The following FARP1 variants were observed in gnomAD, a reference collection of about 807,000 sequenced individuals.
FARP1 encodes the protein FERM, ARH/RhoGEF and pleckstrin domain protein 1, also known as FERM, ARHGEF and pleckstrin domain-containing protein 1.
FARP1 carries 52 observed loss-of-function variants against 128.8 expected under a neutral mutation model. That is an observed-to-expected ratio of 0.40 (90% CI 0.32 to 0.51). FARP1 has a LOEUF of 0.51. Ranked by LOEUF, FARP1 falls within the 20% of genes least tolerant of loss-of-function variation. FARP1 has a pLI of 0.45. For synonymous variants in FARP1, 580 were observed against 551.8 expected (o/e 1.05, Z -0.72); for missense variants, 1,333 against 1,367.9 (o/e 0.97, Z 0.40).
intron 2 of FARP1, among the ~76,000 whole-genome samples, chr13:98,261,699 G>T (rs1434281457): frequency 6.6e-6 from 1 of 152,132 alleles, no homozygotes; most frequent in African/African-American, 2.4e-5. Flanking sequence ...ATGCTGTGTA[G>T]GTGTGGAGGA....
At chr13:98,150,061 G>A (rs540847897) in intron 1 of FARP1, among the ~76,000 whole-genome samples, 2 of 148,218 alleles carry the variant, frequency 1.3e-5, no homozygotes, top group South Asian at 2.1e-4. Flanking sequence ...TTTTTGAGAC[G>A]GAGTCTCACT....
At chr13:98,432,226 G>A (rs1253051207) in intron 18 of FARP1, 1 of 152,244 alleles carries the variant, frequency 6.6e-6, no homozygotes, top group Non-Finnish European at 1.5e-5. Flanking sequence ...AGTCCTACCC[G>A]CTCGTACTTG....
rs1878087318 is a variant in FARP1 at position 98,176,816 on chromosome 13, G to A, written c.-24+33324G>A. The A allele has an allele frequency of 1.9e-6, 3 of 1,613,080 alleles. No homozygotes were observed. Among genetic ancestry groups the A allele is most frequent in the South Asian group, 1.1e-5 (1 of 91,054 alleles). On this transcript the variant is annotated intron_variant, in intron 1 of 26. Coordinates refer to ENST00000319562, the MANE Select transcript of FARP1 (RefSeq NM_005766.4). The surrounding 1 kb of genome is among the most constrained non-coding windows in gnomAD (Gnocchi z 6.2). Reference sequence around the variant, plus strand: ...CCCCGGTAGATGTGGTCGTGCTCCCGACCCCGCAGTGCCTCCTGGACCCGC... The same window carrying A: ...CCCCGGTAGATGTGGTCGTGCTCCCAACCCCGCAGTGCCTCCTGGACCCGC...
rs199656792 is a variant in FARP1, at chr13:98,445,763, AC to A, written c.2797-331del. 4.3e-3 allele frequency: 835 copies of A among 194,280 alleles called. 9 individuals are homozygous for A. Among genetic ancestry groups the A allele is most frequent in the African/African-American group, 0.019 (796 of 42,524 alleles). The allele number at this position is 194,280 out of a possible 1,614,324, so 12.0% of individuals were successfully genotyped here. A position where few individuals can be genotyped will look rare whatever the true frequency, so the allele number is the denominator to read the frequency against. On this transcript the variant is annotated intron_variant, in intron 24 of 26. Coordinates refer to ENST00000319562, the MANE Select transcript of FARP1 (RefSeq NM_005766.4). ...TCCCGTTGGATTTAGGGCCCACCCT[AC>A]CCCAGTGTGATCTCGTCTTCACTAG...
chr13:98,391,001 T>C lies in FARP1; in HGVS notation c.1088+121T>C. The C allele has an allele frequency of 5.5e-6, 4 of 721,818 alleles. No individual in the cohort carries two copies. In the Admixed American group the frequency reaches 6.7e-5, roughly 12 times the overall value. 44.7% of individuals were successfully genotyped at this position (721,818 alleles called of 1,614,324 possible). A position where few individuals can be genotyped will look rare whatever the true frequency, so the allele number is the denominator to read the frequency against. ...GACTTGATGTCCCTTGAGTTGTAAA[T>C]GATAGTCTCAGTCATCCTCAGCAAG... is the stretch of plus-strand genomic sequence containing the variant. On this transcript the variant is annotated intron_variant, in intron 11 of 26. Transcript: ENST00000319562.
intron 6 of FARP1, among the ~76,000 whole-genome samples, chr13:98,379,224 C>A (rs34404370): frequency 0.076 from 8,197 of 107,852 alleles, 915 homozygotes; most frequent in Middle Eastern, 0.13. Context: ...AATATATAAT[C>A]TATCTATATA....
chr13:98,302,684 G>GGAA (rs1259167396), intron 2 of FARP1, among the ~76,000 whole-genome samples: 3 of 152,228 alleles, frequency 2.0e-5, no homozygotes, highest in African/African-American at 7.2e-5. Flanking sequence ...GGGTGAGAAT[G>GGAA]GAAGCCATTA....
intron 16 of FARP1, among the ~76,000 whole-genome samples, chr13:98,415,541 G>C (rs1415734709): frequency 3.3e-5 from 5 of 152,240 alleles, no homozygotes; most frequent in African/African-American, 7.2e-5. Context: ...CAGGCACATA[G>C]GGCACAGAGA....
Position 98,440,643 on chromosome 13 carries a change from AGTGCTGCCTTTT to A in FARP1, c.2630-25_2630-14del. 1 of 1,592,532 alleles carries A rather than the reference AGTGCTGCCTTTT, an allele frequency of 6.3e-7. No homozygotes were observed. The highest frequency in any genetic ancestry group is 8.6e-7 in the Non-Finnish European group (1 of 1,168,884). ...AGGGGCGCTGGGAGGAAAGATCAGA[AGTGCTGCCTTTT>A]GCCCCATCCTGTAGAGTCCCCTGAT... is the stretch of plus-strand genomic sequence containing the variant. On this transcript the variant is annotated splice_polypyrimidine_tract_variant and intron_variant, in intron 23 of 26. Transcript: ENST00000319562.
intron 2 of FARP1, among the ~76,000 whole-genome samples, chr13:98,320,417 C>T (rs540514917): frequency 6.6e-6 from 1 of 152,292 alleles, no homozygotes; most frequent in Admixed American, 6.5e-5. Flanking sequence ...CCTGTCCTCA[C>T]CTATGTGAAG....
chr13:98,247,700 C>T (rs1310942261), intron 2 of FARP1, among the ~76,000 whole-genome samples: 4 of 152,190 alleles, frequency 2.6e-5, no homozygotes, highest in African/African-American at 9.7e-5. Flanking sequence ...CAGCTTCCAC[C>T]TTCAACGGAT....
chr13:98,439,340 C>G (rs565633261), intron 21 of FARP1, 144 bp downstream of exon 21: 8 of 627,012 alleles, frequency 1.3e-5, no homozygotes, highest in Non-Finnish European at 2.0e-5. Context: ...GACATGGGCT[C>G]AAAGACCATC....
intron 2 of FARP1, among the ~76,000 whole-genome samples, chr13:98,297,731 C>T (rs558015743): frequency 1.3e-5 from 2 of 152,144 alleles, no homozygotes; most frequent in East Asian, 3.9e-4. Flanking sequence ...GGAAGGAAGC[C>T]CCTCTCTCTC....
rs368911842 is a variant in FARP1, at chr13:98,277,109, TACACACAC to T, written c.171+63729_171+63736del. The stretch of plus-strand genomic sequence containing the variant: ...AGCTCTTGGATCTGCTCTAGAAAAA[TACACACAC>T]ACACACACACACACACACACACACA... On this transcript the variant is annotated intron_variant, in intron 2 of 26. Transcript: ENST00000319562. 9.8e-3 allele frequency among the ~76,000 whole-genome samples: 1,153 copies of T among 118,192 alleles called. 14 individuals are homozygous for T. Among genetic ancestry groups the T allele is most frequent in the African/African-American group, 0.029 (915 of 31,964 alleles). The allele number at this position is 118,192 out of a possible 152,430, so 77.5% of individuals were successfully genotyped here. A position where few individuals can be genotyped will look rare whatever the true frequency, so the allele number is the denominator to read the frequency against.
chr13:98,194,991 G>C (rs948427729), intron 1 of FARP1, among the ~76,000 whole-genome samples: 2 of 152,198 alleles, frequency 1.3e-5, no homozygotes, highest in African/African-American at 2.4e-5. Flanking sequence ...GATGCTTCAA[G>C]TAAAGCTTTC....
intron 1 of FARP1, among the ~76,000 whole-genome samples, chr13:98,163,216 G>GA (rs2139135520): frequency 6.6e-6 from 1 of 152,234 alleles, no homozygotes; most frequent in Non-Finnish European, 1.5e-5. Context: ...ACTAACGCAG[G>GA]AACAGAAAAG....
chr13:98,419,211 C>T (rs111418567), intron 16 of FARP1, among the ~76,000 whole-genome samples: 2,987 of 152,250 alleles, frequency 0.02, 90 homozygotes, highest in African/African-American at 0.067. Context: ...CAGTGGCTCA[C>T]GCCTATAATC....
intron 2 of FARP1, among the ~76,000 whole-genome samples, chr13:98,337,193 C>G (rs1311802074): frequency 6.6e-6 from 1 of 152,168 alleles, no homozygotes; most frequent in Non-Finnish European, 1.5e-5. Context: ...ATAGCAAGAC[C>G]TCGTCTCTAC....
intron 13 of FARP1, chr13:98,398,127 C>T (rs1161008616): frequency 6.6e-6 from 1 of 152,150 alleles, no homozygotes; most frequent in Non-Finnish European, 1.5e-5. Flanking sequence ...ATCGGCTCGT[C>T]TCATTGACAA....
Sources: gnomAD v4.1 joint callset for allele counts (sites outside exome capture counted in the v4.1 genomes callset) on GRCh38, gnomAD v4.1.1 for gene constraint, Gnocchi (gnomAD v3.1) non-coding constraint, MANE v1.5 for transcripts, NCBI Gene and HGNC (gene_info 2026-07-23, HGNC 2026-07-21) for gene names.